Variants in MSH3 observed in about 807,000 individuals in gnomAD.
MSH3 encodes DNA mismatch repair protein Msh3.
A neutral mutation model predicts 123.3 loss-of-function variants in MSH3; 106 were observed. That is an observed-to-expected ratio of 0.86 (90% CI 0.73 to 1.01). The LOEUF (loss-of-function observed/expected upper bound fraction) is 1.01. Ranked by LOEUF, MSH3 falls within the 50% of genes least tolerant of loss-of-function variation. The probability of loss-of-function intolerance (pLI) is 0.00; values close to 1 mark genes in which losing one functional copy is unlikely to be tolerated. For missense variants in MSH3, 1,459 were observed against 1,347.6 expected (o/e 1.08, Z -1.29); for synonymous variants, 515 against 481.4 (o/e 1.07, Z -0.91).
intron 12 of MSH3, among the ~76,000 whole-genome samples, chr5:80,751,609 A>G (rs2112873698): frequency 6.6e-6 from 1 of 152,220 alleles, no homozygotes; most frequent in Admixed American, 6.5e-5. Flanking sequence ...CTCTGCCTTC[A>G]TGGTTACATG....
intron 1 of MSH3, 108 bp downstream of exon 1, chr5:80,655,072 G>C (rs1443739925): frequency 1.6e-6 from 1 of 633,466 alleles, no homozygotes; most frequent in Non-Finnish European, 2.5e-6. Flanking sequence ...GGCTGGAGGA[G>C]GAAGGGGCGG....
intron 19 of MSH3, among the ~76,000 whole-genome samples, chr5:80,805,474 T>C (rs1348468066): frequency 1.3e-5 from 2 of 152,204 alleles, no homozygotes; most frequent in East Asian, 1.9e-4. Flanking sequence ...CTCTACACTT[T>C]AAATTGAACT....
chr5:80,686,268 A>C (rs1225288882), intron 8 of MSH3, among the ~76,000 whole-genome samples: 1 of 152,130 alleles, frequency 6.6e-6, no homozygotes, highest in Admixed American at 6.6e-5. Context: ...TCCAATGATG[A>C]AAGTGGGGTG....
At chr5:80,670,668 TAG>T (rs1749684539) in intron 4 of MSH3, among the ~76,000 whole-genome samples, 1 of 152,206 alleles carries the variant, frequency 6.6e-6, no homozygotes, top group African/African-American at 2.4e-5. Flanking sequence ...TTGAGATGTA[TAG>T]AAGTTCCTCT....
chr5:80,861,150 T>C (rs1746007744), intron 21 of MSH3, among the ~76,000 whole-genome samples: 1 of 152,230 alleles, frequency 6.6e-6, no homozygotes, highest in African/African-American at 2.4e-5. Context: ...ATTCCTGCCA[T>C]AGCTATGTCT....
chr5:80,799,500 C>CTTTTTTTTTTTTTTTTT (rs746348952), intron 19 of MSH3, among the ~76,000 whole-genome samples: 1 of 32,318 alleles, frequency 3.1e-5, no homozygotes, highest in Non-Finnish European at 5.2e-5. Flanking sequence ...GAAGATAGCA[C>CTTTTTTTTTTTTTTTTT]TTTTTTTTTT....
At chr5:80,740,222 T>G (rs1186130281) in intron 10 of MSH3, among the ~76,000 whole-genome samples, 1 of 152,222 alleles carries the variant, frequency 6.6e-6, no homozygotes, top group Non-Finnish European at 1.5e-5. Context: ...TTTTGAAATT[T>G]ATTGAACTTC....
intron 20 of MSH3, among the ~76,000 whole-genome samples, chr5:80,845,237 C>A (rs560528353): frequency 6.6e-6 from 1 of 152,350 alleles, no homozygotes; most frequent in East Asian, 1.9e-4. Flanking sequence ...CCCCCACTCT[C>A]TTCTGGCTTG....
At chr5:80,683,362 C>A (rs1561441186) in intron 8 of MSH3, among the ~76,000 whole-genome samples, 1 of 152,052 alleles carries the variant, frequency 6.6e-6, no homozygotes, top group Non-Finnish European at 1.5e-5. Context: ...CACATCCTCA[C>A]CAGCATTTAT....
rs1026488490 is a variant in MSH3, at chr5:80,864,879, C to T, written c.3067C>T (p.His1023Tyr). 6.2e-7 allele frequency: 1 copy of T among 1,613,196 alleles called. No individual in the cohort carries two copies. Among genetic ancestry groups the T allele is most frequent in the African/African-American group, 1.3e-5 (1 of 74,894 alleles). ...TTGTGAACTAGAAAAAAATTACTCA[C>T]ACCAGGTGGGGAATTACCACATGGG... ...PVCELEKNYS[H>Y]QVGNYHMGFL... The change falls in exon 22 of 24, where the codon CAC becomes TAC. Residue 1023 changes from histidine (H) to tyrosine (Y), a missense_variant. By Grantham distance (83) the His-to-Tyr change is moderately conservative. Coordinates refer to ENST00000265081, the MANE Select transcript of MSH3 (RefSeq NM_002439.5).
At chr5:80,667,698 G>C (rs758684984) in intron 3 of MSH3, among the ~76,000 whole-genome samples, 1 of 152,190 alleles carries the variant, frequency 6.6e-6, no homozygotes, top group Non-Finnish European at 1.5e-5. Flanking sequence ...TGGACCAGGC[G>C]TACCACAAAC....
At chr5:80,873,404 A>T in intron 23 of MSH3, 117 bp downstream of exon 23, 1 of 962,976 alleles carries the variant, frequency 1.0e-6, no homozygotes, top group South Asian at 1.5e-5. Context: ...CTCTTCAAAT[A>T]TTCTGAACCA....
At chr5:80,708,809 C>T (rs1305163378) in intron 8 of MSH3, among the ~76,000 whole-genome samples, 1 of 151,496 alleles carries the variant, frequency 6.6e-6, no homozygotes, top group Non-Finnish European at 1.5e-5. Context: ...GACACAGTCT[C>T]TGTCACCCAG....
intron 8 of MSH3, among the ~76,000 whole-genome samples, chr5:80,682,431 T>G (rs932196402): frequency 1.3e-5 from 2 of 152,008 alleles, no homozygotes; most frequent in African/African-American, 4.8e-5. Context: ...TTAATTAAAT[T>G]TTCTGTGGCT....
At chr5:80,672,188 C>A in intron 4 of MSH3, 56 bp from the exon 5 acceptor site, 2 of 1,244,126 alleles carry the variant, frequency 1.6e-6, no homozygotes, top group Non-Finnish European at 2.3e-6. Context: ...GAACCAACAT[C>A]ACATAGGGAA....
At chr5:80,834,582 CTA>C (rs1745477029) in intron 20 of MSH3, among the ~76,000 whole-genome samples, 2 of 147,840 alleles carry the variant, frequency 1.4e-5, no homozygotes, top group South Asian at 4.2e-4. Flanking sequence ...TATTTAAACT[CTA>C]GTTATTACAT....
chr5:80,756,698 C>A (rs564730701), intron 12 of MSH3, among the ~76,000 whole-genome samples: 15 of 152,244 alleles, frequency 9.9e-5, no homozygotes, highest in African/African-American at 3.6e-4. Context: ...TACTATTCAT[C>A]ACTAGAGTGT....
intron 15 of MSH3, among the ~76,000 whole-genome samples, chr5:80,770,502 A>G (rs890936118): frequency 6.6e-6 from 1 of 152,154 alleles, no homozygotes; most frequent in Admixed American, 6.5e-5. Flanking sequence ...AAAGTCTAGA[A>G]TGGTGGTAGG....
intron 12 of MSH3, 88 bp from the exon 13 acceptor site, chr5:80,761,458 G>T (rs932679347): frequency 1.3e-6 from 2 of 1,493,080 alleles, no homozygotes; most frequent in Non-Finnish European, 1.9e-6. Context: ...ATAAGTGGCT[G>T]TGTCACATTC....
Sources: gnomAD v4.1 joint callset for allele counts (sites outside exome capture counted in the v4.1 genomes callset) on GRCh38, gnomAD v4.1.1 for gene constraint, MANE v1.5 for transcripts, NCBI Gene and HGNC (gene_info 2026-07-23, HGNC 2026-07-21) for gene names.